The following DTD1 variants were observed in gnomAD, a reference collection of about 807,000 sequenced individuals.
The protein encoded by DTD1 is D-aminoacyl-tRNA deacylase 1.
Under a neutral mutation model 25.6 loss-of-function variants are expected in DTD1, and 13 were observed. That is an observed-to-expected ratio of 0.51 (90% CI 0.33 to 0.81). DTD1 has a LOEUF of 0.81. Ranked by LOEUF, DTD1 falls within the 30% of genes least tolerant of loss-of-function variation. The pLI, the probability that DTD1 is intolerant of heterozygous loss-of-function variation, is 0.02. For missense variants in DTD1, 193 were observed against 266.4 expected (o/e 0.72, Z 1.92); for synonymous variants, 110 against 103.6 (o/e 1.06, Z -0.37).
rs117938007 is a variant in DTD1, at chr20:18,749,347, G to A, written c.*19+5076G>A. On this transcript the variant is annotated intron_variant, in intron 5 of 5. Transcript: ENST00000377452. This position sits in a 1 kb window ranked among gnomAD's most constrained non-coding sequence, Gnocchi z 4.2. ...TCAGCATCGCCGTGGGGTGGGGAAG[G>A]CTCCAGAGGGTGTTCTCTGCCTGGT... Among the ~76,000 whole-genome samples, 1 of 152,186 alleles carries A rather than the reference G, an allele frequency of 6.6e-6. No homozygotes were observed. Among genetic ancestry groups the A allele is most frequent in the Non-Finnish European group, 1.5e-5 (1 of 68,032 alleles).
intron 3 of DTD1, among the ~76,000 whole-genome samples, chr20:18,606,833 C>T (rs928188677): frequency 3.5e-5 from 5 of 144,342 alleles, no homozygotes; most frequent in African/African-American, 1.0e-4. Context: ...TGCTAGATGA[C>T]GAGTTAGTGG....
At chr20:18,736,485 ATCTG>A (rs370605634) in intron 4 of DTD1, among the ~76,000 whole-genome samples, 5 of 152,316 alleles carry the variant, frequency 3.3e-5, no homozygotes, top group African/African-American at 9.6e-5. Flanking sequence ...GTGTGAAGGG[ATCTG>A]TCTTTCAAGG....
intron 4 of DTD1, chr20:18,632,421 G>T (rs1292790862): frequency 2.0e-6 from 2 of 985,378 alleles, no homozygotes; most frequent in East Asian, 2.3e-4. Flanking sequence ...GAAGCGGCCT[G>T]TGTTAGGTTG....
chr20:18,706,273 T>C lies in DTD1; in HGVS notation c.478-37827T>C, dbSNP rs140435780. Among the ~76,000 whole-genome samples the C allele has an allele frequency of 3.2e-4, 49 of 152,362 alleles. 1 individual carries two copies. In the East Asian group the frequency reaches 8.7e-3, roughly 27 times the overall value. ...GGAATTGCGCCACACCCTGTGTTCA[T>C]GGTACCAGATTTGCCTCCCCTCACT... On this transcript the variant is annotated intron_variant, in intron 4 of 5. Transcript: ENST00000377452.
At chr20:18,672,726 T>C (rs1001954681) in intron 4 of DTD1, among the ~76,000 whole-genome samples, 7 of 152,216 alleles carry the variant, frequency 4.6e-5, no homozygotes, top group Non-Finnish European at 8.8e-5. Context: ...GGAACTCCAT[T>C]GGTTAAACCT....
At chr20:18,728,806 G>C (rs370094865) in intron 4 of DTD1, among the ~76,000 whole-genome samples, 6 of 152,176 alleles carry the variant, frequency 3.9e-5, no homozygotes, top group Non-Finnish European at 1.5e-5. Context: ...CTGGTGGTAG[G>C]TGTATTTTGA....
At chr20:18,685,589 G>A (rs1232224911) in intron 4 of DTD1, among the ~76,000 whole-genome samples, 2 of 152,160 alleles carry the variant, frequency 1.3e-5, no homozygotes, top group African/African-American at 4.8e-5. Context: ...GGGTGACCGA[G>A]TCTCTCTCTC....
At chr20:18,636,022 T>A (rs1477741623) in intron 4 of DTD1, among the ~76,000 whole-genome samples, 3 of 152,234 alleles carry the variant, frequency 2.0e-5, no homozygotes, top group Non-Finnish European at 4.4e-5. Flanking sequence ...TGTTTTGCTT[T>A]AAACCAGTCT....
chr20:18,711,744 C>G (rs1427302269), intron 4 of DTD1, among the ~76,000 whole-genome samples: 3 of 152,024 alleles, frequency 2.0e-5, no homozygotes, highest in Non-Finnish European at 4.4e-5. Flanking sequence ...AGGTAGAAAC[C>G]TTATTTAAGA....
Position 18,764,627 on chromosome 20 carries a change from C to T in DTD1, c.*1287C>T, listed in dbSNP as rs1297630847. The T allele has an allele frequency of 6.6e-6, 1 of 152,150 alleles. No homozygotes were observed. Among genetic ancestry groups the T allele is most frequent in the Non-Finnish European group, 1.5e-5 (1 of 68,026 alleles). The allele number at this position is 152,150 out of a possible 1,614,324, so 9.4% of individuals were successfully genotyped here. ...ATGTGGAAAACAAAAAAGCTCAAAA[C>T]ACATCTCTTGGAATATAGAGTTGGA... On this transcript the variant is annotated 3_prime_UTR_variant, in exon 6 of 6. Transcript: ENST00000377452.
chr20:18,693,170 G>A (rs1350164971), intron 4 of DTD1, among the ~76,000 whole-genome samples: 4 of 152,160 alleles, frequency 2.6e-5, no homozygotes, highest in African/African-American at 9.7e-5. Flanking sequence ...TGGGATTACA[G>A]GCGTAAGCCA....
In DTD1 at chr20:18,693,977, T is replaced by G. The variant is rs2061059864; in HGVS notation, c.478-50123T>G. ...GCCACGTTTCAAGTGCTCAGTAGCC[T>G]TGTGTGTCTAGTGACTACTGTATTG... On this transcript the variant is annotated intron_variant, in intron 4 of 5. Transcript: ENST00000377452. Among the ~76,000 whole-genome samples, 3 of 152,354 alleles carry G rather than the reference T, an allele frequency of 2.0e-5. No individual in the cohort carries two copies. The South Asian group carries it at 6.2e-4, about 32-fold the overall frequency.
At chr20:18,704,222 G>A (rs900756592) in intron 4 of DTD1, among the ~76,000 whole-genome samples, 1 of 152,038 alleles carries the variant, frequency 6.6e-6, no homozygotes, top group Non-Finnish European at 1.5e-5. Flanking sequence ...GGATGGTCTC[G>A]ATCTCCTGAG....
At chr20:18,631,007 T>TAC in intron 4 of DTD1, 1 of 959,650 alleles carries the variant, frequency 1.0e-6, no homozygotes, top group Non-Finnish European at 1.2e-6. Context: ...TTGGTTCAGG[T>TAC]GAAGTCTACC....
intron 3 of DTD1, among the ~76,000 whole-genome samples, chr20:18,597,763 A>G (rs1051532786): frequency 6.6e-6 from 1 of 152,050 alleles, no homozygotes; most frequent in Non-Finnish European, 1.5e-5. Context: ...GCTGTATTTG[A>G]TAATATATTT....
chr20:18,672,742 A>G (rs1013030140), intron 4 of DTD1, among the ~76,000 whole-genome samples: 1 of 152,240 alleles, frequency 6.6e-6, no homozygotes, highest in African/African-American at 2.4e-5. Context: ...AACCTAAAGC[A>G]GATACCTAAC....
intron 4 of DTD1, among the ~76,000 whole-genome samples, chr20:18,735,561 A>G (rs150484071): frequency 1.3e-3 from 191 of 152,370 alleles, no homozygotes; most frequent in Admixed American, 3.9e-3. Flanking sequence ...TCGGAATGCC[A>G]AAGGGGACAA....
intron 4 of DTD1, among the ~76,000 whole-genome samples, chr20:18,739,967 C>T (rs2061270835): frequency 6.6e-6 from 1 of 151,956 alleles, no homozygotes; most frequent in Admixed American, 6.6e-5. Flanking sequence ...GAAATGTGGG[C>T]TGTGCCTGTC....
chr20:18,759,284 G>A (rs2061351697), intron 5 of DTD1, among the ~76,000 whole-genome samples: 1 of 152,142 alleles, frequency 6.6e-6, no homozygotes, highest in South Asian at 2.1e-4. Context: ...TCATTATGAT[G>A]TTAGCTGGTT....
Sources: gnomAD v4.1 joint callset for allele counts (sites outside exome capture counted in the v4.1 genomes callset) on GRCh38, gnomAD v4.1.1 for gene constraint, Gnocchi (gnomAD v3.1) non-coding constraint, MANE v1.5 for transcripts, NCBI Gene and HGNC (gene_info 2026-07-23, HGNC 2026-07-21) for gene names.